Variants in PCDH11Y observed in about 807,000 individuals in gnomAD.
The protein encoded by PCDH11Y is protocadherin 11 Y-linked.
For missense variants in PCDH11Y, 12 were observed against 224.8 expected (o/e 0.05, Z 6.05); for synonymous variants, 9 against 83.6 (o/e 0.11, Z 4.87).
intron 1 of PCDH11Y, among the ~76,000 whole-genome samples, chrY:5,008,523 T>C: frequency 3.1e-5 from 1 of 31,855 alleles, no homozygotes; most frequent in Non-Finnish European, 7.7e-5. Context: ...AGAGTGACCT[T>C]GGGCAAAAAC....
chrY:5,664,431 C>G, intron 4 of PCDH11Y, among the ~76,000 whole-genome samples: 1 of 32,079 alleles, frequency 3.1e-5, no homozygotes, highest in Non-Finnish European at 7.6e-5. Context: ...AAAGAATTTA[C>G]TTTTGTGCAT....
At chrY:5,350,339 T>C in intron 2 of PCDH11Y, among the ~76,000 whole-genome samples, 1 of 31,523 alleles carries the variant, frequency 3.2e-5, no homozygotes, top group Non-Finnish European at 7.6e-5. Flanking sequence ...TAACTCGTCA[T>C]TTACATTAGG....
intron 4 of PCDH11Y, among the ~76,000 whole-genome samples, chrY:5,671,213 G>GT (rs763112584): frequency 1.4e-3 from 39 of 27,032 alleles, no homozygotes; most frequent in Admixed American, 8.2e-3. Context: ...GATTCCTCTA[G>GT]TTTTTTTTTT....
chrY:5,716,287 A>G (rs1602963465), intron 4 of PCDH11Y, among the ~76,000 whole-genome samples: 1 of 32,651 alleles, frequency 3.1e-5, no homozygotes, highest in Admixed American at 2.8e-4. Context: ...GAAAGGAAGA[A>G]GTCAAATTAT....
downstream of PCDH11Y, among the ~76,000 whole-genome samples, chrY:5,107,040 C>A (rs2124637975): frequency 3.2e-5 from 1 of 31,459 alleles, no homozygotes; most frequent in East Asian, 8.4e-4. Context: ...ACTAGCCTGG[C>A]CTTTCCTTTC....
In PCDH11Y at chrY:5,126,673, T is replaced by C. The variant is rs1602872253; in HGVS notation, c.3129+25966T>C. Among the ~76,000 whole-genome samples, 158 of 32,798 alleles carry C rather than the reference T, an allele frequency of 4.8e-3. No homozygotes were observed. In the South Asian group the frequency reaches 0.098, roughly 20 times the overall value. 88.0% of individuals were successfully genotyped at this position (32,798 alleles called of 37,273 possible). On this transcript the variant is annotated intron_variant, in intron 2 of 4. Transcript: ENST00000400457. ...ATAGAGATATAATAGAGAAGAAAAA[T>C]AGAAATTACCTATAATCCTACCAAC...
intron 1 of PCDH11Y, among the ~76,000 whole-genome samples, chrY:5,017,994 A>G: frequency 3.0e-5 from 1 of 33,292 alleles, no homozygotes; most frequent in African/African-American, 1.2e-4. Flanking sequence ...ATGCACATAA[A>G]CTTTTCAATT....
rs549331415 is a variant in PCDH11Y, at chrY:5,286,220, A to G, written c.3129+185513A>G. On this transcript the variant is annotated intron_variant, in intron 2 of 4. Coordinates refer to the PCDH11Y transcript ENST00000400457. ...ATCTGGGGGCTCTGTCTTCTGTTCC[A>G]TTGGTCAGTGAGTCTTTTTTGATGC... Among the ~76,000 whole-genome samples, 21 of 32,369 alleles carry G rather than the reference A, an allele frequency of 6.5e-4. No individual in the cohort carries two copies. The South Asian group carries it at 0.015, about 23-fold the overall frequency. The allele number at this position is 32,369 out of a possible 37,273, so 86.8% of individuals were successfully genotyped here. A position where few individuals can be genotyped will look rare whatever the true frequency, so the allele number is the denominator to read the frequency against.
At chrY:5,336,396 G>C (rs1334487287) in intron 2 of PCDH11Y, among the ~76,000 whole-genome samples, 5 of 30,695 alleles carry the variant, frequency 1.6e-4, no homozygotes, top group Non-Finnish European at 1.6e-4. Context: ...TCAGCCTCCC[G>C]AGTAGCTGGG....
chrY:5,047,035 C>T, intron 3 of PCDH11Y, among the ~76,000 whole-genome samples: 1 of 33,459 alleles, frequency 3.0e-5, no homozygotes, highest in Non-Finnish European at 7.4e-5. Context: ...TGAGATGAAC[C>T]CAGTACCTCA....
At chrY:5,236,557 GT>G (rs2052975519) in intron 2 of PCDH11Y, among the ~76,000 whole-genome samples, 1 of 32,237 alleles carries the variant, frequency 3.1e-5, no homozygotes, top group Non-Finnish European at 7.5e-5. Flanking sequence ...CTTGTTTTAT[GT>G]GATAGTTTTT....
chrY:5,555,298 G>C (rs2053422574), intron 3 of PCDH11Y, among the ~76,000 whole-genome samples: 1 of 32,938 alleles, frequency 3.0e-5, no homozygotes, highest in African/African-American at 1.2e-4. Context: ...TAACTAACTT[G>C]CTTTTGATTT....
At chrY:5,038,403 A>C in intron 3 of PCDH11Y, among the ~76,000 whole-genome samples, 1 of 26,635 alleles carries the variant, frequency 3.8e-5, no homozygotes, top group Non-Finnish European at 8.8e-5. Flanking sequence ...CATATTCTTC[A>C]TACTATCTGT....
At chrY:5,072,915 A>G in intron 1 of PCDH11Y, among the ~76,000 whole-genome samples, 1 of 33,491 alleles carries the variant, frequency 3.0e-5, no homozygotes, top group Non-Finnish European at 7.4e-5. Context: ...ATGACTACAT[A>G]GTAGGTGTAC....
At chrY:5,132,904 A>G in intron 2 of PCDH11Y, among the ~76,000 whole-genome samples, 2 of 32,925 alleles carry the variant, frequency 6.1e-5, no homozygotes, top group East Asian at 1.6e-3. Flanking sequence ...TAAACTATAA[A>G]TATAATTGGT....
intron 2 of PCDH11Y, among the ~76,000 whole-genome samples, chrY:5,441,732 G>A (rs2053282671): frequency 2.9e-5 from 1 of 34,208 alleles, no homozygotes; most frequent in South Asian, 6.3e-4. Flanking sequence ...TTGGGTCCTG[G>A]CAGCTTTTTA....
chrY:5,363,045 G>T (rs2053175989), intron 2 of PCDH11Y, among the ~76,000 whole-genome samples: 14 of 30,269 alleles, frequency 4.6e-4, no homozygotes, highest in Admixed American at 6.1e-4. Flanking sequence ...AAAAATTAAA[G>T]AATAAAAATA....
chrY:5,342,526 A>T, intron 2 of PCDH11Y, among the ~76,000 whole-genome samples: 1 of 33,711 alleles, frequency 3.0e-5, no homozygotes. Context: ...AGAACACGGA[A>T]ATTAGAGCCG....
intron 2 of PCDH11Y, among the ~76,000 whole-genome samples, chrY:5,376,040 G>A: frequency 1.2e-4 from 4 of 32,111 alleles, no homozygotes; most frequent in African/African-American, 4.8e-4. Context: ...AGTATCAAGG[G>A]GAAAGCATTT....
Sources: gnomAD v4.1 joint callset for allele counts (sites outside exome capture counted in the v4.1 genomes callset) on GRCh38, gnomAD v4.1.1 for gene constraint, MANE v1.5 for transcripts, NCBI Gene and HGNC (gene_info 2026-07-23, HGNC 2026-07-21) for gene names.